The following SLIT3 variants were observed in gnomAD, a reference collection of about 807,000 sequenced individuals.
SLIT3 encodes the protein slit homolog 3 protein.
In SLIT3, 68 loss-of-function variants were observed where a neutral mutation model predicts 184.0. The observed-to-expected ratio is 0.37, with a 90% confidence interval of 0.30 to 0.45. The LOEUF (loss-of-function observed/expected upper bound fraction) is 0.45, where lower values mean the gene tolerates loss of function less well. Ranked by LOEUF, SLIT3 falls within the 20% of genes least tolerant of loss-of-function variation. The probability of loss-of-function intolerance (pLI) is 1.00; values close to 1 mark genes in which losing one functional copy is unlikely to be tolerated. For synonymous variants in SLIT3, 831 were observed against 828.6 expected, an observed-to-expected ratio of 1.00 and a Z score of -0.05; for missense variants, 1,707 against 2,026.0, an observed-to-expected ratio of 0.84 and a Z score of 3.02.
At chr5:169,249,974 A>T (rs1269210400) in intron 2 of SLIT3, among the ~76,000 whole-genome samples, 3 of 152,240 alleles carry the variant, frequency 2.0e-5, no homozygotes, top group Non-Finnish European at 4.4e-5. Flanking sequence ...AAACTCTGAC[A>T]AGCCCCCACA....
In SLIT3 at chr5:169,045,537, C is replaced by A. The variant is rs75170917; in HGVS notation, c.413+147942G>T. Reference sequence around the variant, plus strand: ...ACTTTCCAGGGCATTGCCTGACACACGGTAGGTATTCAATAGATGATTTTT... The same window carrying A: ...ACTTTCCAGGGCATTGCCTGACACAAGGTAGGTATTCAATAGATGATTTTT... On this transcript the variant is annotated intron_variant, in intron 4 of 35. Coordinates refer to ENST00000519560, the MANE Select transcript of SLIT3 (RefSeq NM_003062.4). Among the ~76,000 whole-genome samples the A allele has an allele frequency of 2.2e-3, 338 of 151,934 alleles. 3 individuals are homozygous for A. In the East Asian group the frequency reaches 0.026, roughly 12 times the overall value.
chr5:169,143,147 T>C (rs1761801175), intron 4 of SLIT3, among the ~76,000 whole-genome samples: 2 of 152,220 alleles, frequency 1.3e-5, no homozygotes, highest in Admixed American at 6.5e-5. Flanking sequence ...GAAAAGCAGA[T>C]TATGAAACAT....
At position 168,867,188 on chromosome 5, in the gene SLIT3, GAAACATTGCACGTGGCTACAA is replaced by G. The variant is rs1164657527; in HGVS notation, c.485+16056_485+16076del. Among the ~76,000 whole-genome samples, 3 of 152,196 alleles carry G rather than the reference GAAACATTGCACGTGGCTACAA, an allele frequency of 2.0e-5. No homozygotes were observed. In the East Asian group the frequency reaches 5.8e-4, roughly 29 times the overall value. On this transcript the variant is annotated intron_variant, in intron 5 of 35. Transcript: ENST00000519560. ...GCAGGTGGTTTTCAAACTATGCTTG[GAAACATTGCACGTGGCTACAA>G]TGAAACCATGCAATTATTACTTTAC...
intron 20 of SLIT3, among the ~76,000 whole-genome samples, chr5:168,738,166 T>C (rs1003437028): frequency 2.0e-5 from 3 of 152,210 alleles, no homozygotes; most frequent in African/African-American, 7.2e-5. Context: ...GCCAAAACTA[T>C]ATTTACAATA....
At chr5:169,099,247 C>T (rs753785378) in intron 4 of SLIT3, among the ~76,000 whole-genome samples, 5 of 152,034 alleles carry the variant, frequency 3.3e-5, no homozygotes, top group Admixed American at 6.6e-5. Context: ...ATGAAATAGG[C>T]GATTTGCAGG....
At chr5:169,089,467 G>C (rs531161999) in intron 4 of SLIT3, among the ~76,000 whole-genome samples, 2 of 152,216 alleles carry the variant, frequency 1.3e-5, no homozygotes, top group South Asian at 4.1e-4. Flanking sequence ...GCTAAGGCCT[G>C]TCTTAGGTAG....
intron 12 of SLIT3, among the ~76,000 whole-genome samples, chr5:168,782,994 T>C (rs1321216018): frequency 6.6e-6 from 1 of 152,194 alleles, no homozygotes; most frequent in Admixed American, 6.5e-5. Context: ...CGATGTTTAG[T>C]ATAAGAAAGA....
At chr5:169,239,356 A>G (rs1765314883) in intron 3 of SLIT3, among the ~76,000 whole-genome samples, 1 of 152,132 alleles carries the variant, frequency 6.6e-6, no homozygotes, top group African/African-American at 2.4e-5. Flanking sequence ...TAAATAGACA[A>G]ATGTTCATTC....
chr5:168,863,072 T>C (rs1248786719), intron 5 of SLIT3, among the ~76,000 whole-genome samples: 1 of 152,186 alleles, frequency 6.6e-6, no homozygotes, highest in African/African-American at 2.4e-5. Flanking sequence ...ACACCTATTC[T>C]ATGAGCCTGA....
chr5:168,986,391 C>T (rs1029430846), intron 4 of SLIT3, among the ~76,000 whole-genome samples: 6 of 152,040 alleles, frequency 3.9e-5, no homozygotes, highest in African/African-American at 1.4e-4. Flanking sequence ...TGGCGCCCTT[C>T]TTACATGGCC....
chr5:169,280,171 T>C (rs901900367), intron 1 of SLIT3, among the ~76,000 whole-genome samples: 3 of 152,168 alleles, frequency 2.0e-5, no homozygotes, highest in Non-Finnish European at 2.9e-5. Flanking sequence ...TGCCATTCAA[T>C]GAAAGGAGAG....
chr5:169,152,488 A>G (rs1762148466), intron 4 of SLIT3, among the ~76,000 whole-genome samples: 1 of 152,310 alleles, frequency 6.6e-6, no homozygotes, highest in Non-Finnish European at 1.5e-5. Flanking sequence ...AATCTCTTCC[A>G]GCTCTTCGGG....
At chr5:169,148,685 A>G (rs1479712632) in intron 4 of SLIT3, among the ~76,000 whole-genome samples, 1 of 152,200 alleles carries the variant, frequency 6.6e-6, no homozygotes, top group Non-Finnish European at 1.5e-5. Context: ...GTTGTATAAA[A>G]ATTGTTACTA....
intron 1 of SLIT3, among the ~76,000 whole-genome samples, chr5:169,267,201 G>A (rs757461539): frequency 1.3e-5 from 2 of 152,100 alleles, no homozygotes; most frequent in Non-Finnish European, 2.9e-5. Flanking sequence ...ATGGTCACAA[G>A]CTGAGAAGTA....
intron 26 of SLIT3, among the ~76,000 whole-genome samples, chr5:168,706,288 A>G (rs78086447): frequency 0.025 from 3,819 of 152,310 alleles, 157 homozygotes; most frequent in African/African-American, 0.087. Context: ...CAAACCTATG[A>G]GACAGGTCCT....
Position 168,666,304 on chromosome 5 carries a change from GT to G in SLIT3, c.*149del. 2 of 672,204 alleles carry G rather than the reference GT, an allele frequency of 3.0e-6. No individual in the cohort carries two copies. Among genetic ancestry groups the G allele is most frequent in the South Asian group, 4.0e-5 (1 of 24,692 alleles). The allele number at this position is 672,204 out of a possible 1,614,324, so 41.6% of individuals were successfully genotyped here. ...ATAATAAAAATAAGTTCTATTTTTT[GT>G]TTATTTTACAATATACTTAATATTC... On this transcript the variant is annotated 3_prime_UTR_variant, in exon 36 of 36. Coordinates refer to ENST00000519560, the MANE Select transcript of SLIT3 (RefSeq NM_003062.4).
chr5:169,202,618 G>A (rs569047815), intron 3 of SLIT3, among the ~76,000 whole-genome samples: 6 of 152,242 alleles, frequency 3.9e-5, no homozygotes, highest in Non-Finnish European at 8.8e-5. Flanking sequence ...ATAGAAACAA[G>A]GAATATTTGC....
intron 1 of SLIT3, among the ~76,000 whole-genome samples, chr5:169,255,119 G>A (rs1490667854): frequency 6.6e-6 from 1 of 152,184 alleles, no homozygotes; most frequent in African/African-American, 2.4e-5. Flanking sequence ...TTGTATGCAA[G>A]TACAGCACAT....
intron 14 of SLIT3, among the ~76,000 whole-genome samples, chr5:168,770,261 G>C (rs1755502641): frequency 6.6e-6 from 1 of 152,236 alleles, no homozygotes; most frequent in African/African-American, 2.4e-5. Context: ...AGGCAGCTGG[G>C]AAACCAGACG....
Sources: allele counts gnomAD v4.1 joint callset (sites outside exome capture counted in the v4.1 genomes callset), GRCh38; gene constraint gnomAD v4.1.1; transcripts MANE v1.5; gene names NCBI Gene and HGNC (gene_info 2026-07-23, HGNC 2026-07-21).